ARHGEF1: variants seen among roughly 807,000 people sequenced by gnomAD.
ARHGEF1 encodes 115 kDa guanine nucleotide exchange factor.
A neutral mutation model predicts 119.7 loss-of-function variants in ARHGEF1; 40 were observed. The observed-to-expected ratio is 0.33, with a 90% CI of 0.26 to 0.44. ARHGEF1 has a LOEUF of 0.44. Among genes scored for constraint, ARHGEF1 ranks in the 20% least tolerant of loss-of-function variants. The probability of loss-of-function intolerance (pLI) is 1.00; values close to 1 mark genes in which losing one functional copy is unlikely to be tolerated. For synonymous variants in ARHGEF1, 494 were observed against 521.0 expected, an observed-to-expected ratio of 0.95 and a Z score of 0.71; for missense variants, 976 against 1,268.3, an observed-to-expected ratio of 0.77 and a Z score of 3.50.
Position 41,902,906 on chromosome 19 carries a change from G to A in ARHGEF1, c.1738+8G>A, listed in dbSNP as rs781825901. On this transcript the variant is annotated splice_region_variant and intron_variant, in intron 18 of 28. Transcript: ENST00000354532. This position sits in a 1 kb window ranked among gnomAD's most constrained non-coding sequence, Gnocchi z 6.5. ...GCATCGGGCAGAACACAGGTACCGC[G>A]GGCCTGGATCTCTGGGCCTCGGCTC... 15 of 1,570,032 alleles carry A rather than the reference G, an allele frequency of 9.6e-6. No individual in the cohort carries two copies. Among genetic ancestry groups the A allele is most frequent in the Admixed American group, 4.1e-5 (2 of 48,628 alleles).
chr19:41,887,885 C>T (rs372819155), intron 1 of ARHGEF1, among the ~76,000 whole-genome samples, 179 bp from the exon 2 acceptor site: 3 of 152,354 alleles, frequency 2.0e-5, no homozygotes, highest in South Asian at 2.1e-4. Context: ...CCTGGGCTCC[C>T]GCCCCCTGGC....
At chr19:41,897,614 C>G (rs1448221768) in intron 13 of ARHGEF1, 1 of 300,112 alleles carries the variant, frequency 3.3e-6, no homozygotes, top group Non-Finnish European at 6.2e-6. Context: ...CCCCAAGACC[C>G]CCCACTACCC....
chr19:41,910,961 TACTA>T (rs1421019458), downstream of ARHGEF1, among the ~76,000 whole-genome samples: 49 of 152,148 alleles, frequency 3.2e-4, no homozygotes, highest in African/African-American at 9.6e-4. This position sits in a 1 kb window ranked among gnomAD's most constrained non-coding sequence, Gnocchi z 4.4. Context: ...GACTGGGACT[TACTA>T]ACAACACAAA....
intron 14 of ARHGEF1, 69 bp from the exon 15 acceptor site, chr19:41,901,818 C>T (rs559816373): frequency 7.4e-5 from 115 of 1,554,844 alleles, no homozygotes; most frequent in Non-Finnish European, 9.4e-5. Flanking sequence ...TTCCTCTAGC[C>T]TGCCCATGAG....
chr19:41,920,073 ACT>A (rs1452725343), upstream of ARHGEF1, among the ~76,000 whole-genome samples: 9 of 128,654 alleles, frequency 7.0e-5, no homozygotes, highest in African/African-American at 2.7e-4. Flanking sequence ...GATGTGACAC[ACT>A]CACAGACATG....
rs544550274 is a variant in ARHGEF1 at position 41,902,193 on chromosome 19, C to G, written c.1415-81C>G. On this transcript the variant is annotated intron_variant, in intron 15 of 28. Coordinates refer to ENST00000354532, the MANE Select transcript of ARHGEF1 (RefSeq NM_004706.4). This position sits in a 1 kb window ranked among gnomAD's most constrained non-coding sequence, Gnocchi z 6.5. ...ATCAGACACAGACACACCTGCAGCC[C>G]TACCCCCACCACACCGCAGCAGGCC... 370 of 1,578,020 alleles carry G rather than the reference C, an allele frequency of 2.3e-4. 1 individual carries two copies. Among genetic ancestry groups the G allele is most frequent in the Middle Eastern group, 1.3e-3 (8 of 5,934 alleles).
At chr19:41,928,246 G>C (rs1187464241) in intron 1 of ARHGEF1, 2 of 152,278 alleles carry the variant, frequency 1.3e-5, no homozygotes, top group Non-Finnish European at 2.9e-5. Context: ...ACTCAGAGAC[G>C]GAGAGACAGC....
At position 41,914,589 on chromosome 19, in the gene ARHGEF1, T is replaced by C. The variant is rs1422245859; in HGVS notation, c.1865+7786T>C. Among the ~76,000 whole-genome samples the C allele has an allele frequency of 8.6e-3, 299 of 34,910 alleles. 10 individuals carry two copies. Among genetic ancestry groups the C allele is most frequent in the African/African-American group, 0.021 (143 of 6,880 alleles). 22.9% of individuals were successfully genotyped at this position (34,910 alleles called of 152,430 possible). On this transcript the variant is annotated intron_variant, in intron 18 of 20. Coordinates refer to the ARHGEF1 transcript ENST00000599589. ...TCTCTGTCTCCGTCTCTCCCTCCCTTTCCACCATCTCTGTCTCTCCCTCCC... is the reference window on the plus strand; with the variant it reads ...TCTCTGTCTCCGTCTCTCCCTCCCTCTCCACCATCTCTGTCTCTCCCTCCC...
Position 41,927,980 on chromosome 19 carries a change from T to G in ARHGEF1, c.141-851T>G, listed in dbSNP as rs1165989821. On this transcript the variant is annotated intron_variant, in intron 1 of 2. Transcript: ENST00000594417. ...CGGGACCACCCCCGCGCCCGCCCCC[T>G]CCTGGGGCGGGAATCCCCGCCCCCT... The G allele has an allele frequency of 2.0e-5, 3 of 148,960 alleles. No homozygotes were observed. In the East Asian group the frequency reaches 6.1e-4, roughly 30 times the overall value. 9.2% of individuals were successfully genotyped at this position (148,960 alleles called of 1,614,324 possible).
At chr19:41,918,702 C>G (rs1461871949), upstream of ARHGEF1, among the ~76,000 whole-genome samples, 1 of 149,976 alleles carries the variant, frequency 6.7e-6, no homozygotes, top group Non-Finnish European at 1.5e-5. Flanking sequence ...ATATCCGCCA[C>G]ACACCACACA....
In ARHGEF1 at chr19:41,903,960, C is replaced by T. The variant is rs1224766991; in HGVS notation, c.1918-75C>T. On this transcript the variant is annotated intron_variant, in intron 20 of 28. Coordinates refer to ENST00000354532, the MANE Select transcript of ARHGEF1 (RefSeq NM_004706.4). The surrounding 1 kb of genome is among the most constrained non-coding windows in gnomAD (Gnocchi z 4.2). ...GCCTGTGGTCATCCCCGGCCACTGC[C>T]CTGCCCTTCCCCTCCCCACCAACCC... is the stretch of plus-strand genomic sequence containing the variant. 6 of 1,480,778 alleles carry T rather than the reference C, an allele frequency of 4.1e-6. No individual in the cohort carries two copies. The highest frequency in any genetic ancestry group is 1.7e-5 in the Admixed American group (1 of 58,094). 91.7% of individuals were successfully genotyped at this position (1,480,778 alleles called of 1,614,324 possible). A position where few individuals can be genotyped will look rare whatever the true frequency, so the allele number is the denominator to read the frequency against.
intron 1 of ARHGEF1, among the ~76,000 whole-genome samples, chr19:41,924,591 G>A (rs1193047214): frequency 6.6e-6 from 1 of 152,158 alleles, no homozygotes; most frequent in Admixed American, 6.5e-5. Flanking sequence ...GGAACAGGTG[G>A]GGCACACATT....
chr19:41,929,455 A>G (rs895167598), intron 2 of ARHGEF1, among the ~76,000 whole-genome samples: 4 of 152,110 alleles, frequency 2.6e-5, no homozygotes, highest in Non-Finnish European at 5.9e-5. Context: ...GTCAATATCG[A>G]CCAGCCTCAG....
At chr19:41,884,634 T>G in intron 1 of ARHGEF1, 1 of 1,191,018 alleles carries the variant, frequency 8.4e-7, no homozygotes, top group South Asian at 1.4e-5. Flanking sequence ...GATTTGGGTC[T>G]CGTGTAGACC....
chr19:41,917,010 G>A lies in ARHGEF1; in HGVS notation c.1866-6082G>A, dbSNP rs2074805530. Among the ~76,000 whole-genome samples, 1 of 132,592 alleles carries A rather than the reference G, an allele frequency of 7.5e-6. No individual in the cohort carries two copies. The highest frequency in any genetic ancestry group is 6.8e-5 in the Admixed American group (1 of 14,710). The allele number at this position is 132,592 out of a possible 152,430, so 87.0% of individuals were successfully genotyped here. A position where few individuals can be genotyped will look rare whatever the true frequency, so the allele number is the denominator to read the frequency against. On this transcript the variant is annotated intron_variant, in intron 18 of 20. Coordinates refer to the ARHGEF1 transcript ENST00000599589. This position sits in a 1 kb window ranked among gnomAD's most constrained non-coding sequence, Gnocchi z 4.8. Reference sequence around the variant, plus strand: ...ACTTCCCAAGCATGTCTCTGCATGGGTGTGTGTGTGTGTGTGCACATATGT... The same window carrying A: ...ACTTCCCAAGCATGTCTCTGCATGGATGTGTGTGTGTGTGTGCACATATGT...
intron 13 of ARHGEF1, chr19:41,897,907 C>T (rs754839931): frequency 1.1e-4 from 147 of 1,285,430 alleles, no homozygotes; most frequent in Non-Finnish European, 1.3e-4. Flanking sequence ...TCTCTGTCCC[C>T]GGCATCTGCC....
upstream of ARHGEF1, among the ~76,000 whole-genome samples, chr19:41,921,732 G>A (rs1386942729): frequency 6.6e-6 from 1 of 152,082 alleles, no homozygotes; most frequent in African/African-American, 2.4e-5. The surrounding 1 kb of genome is among the most constrained non-coding windows in gnomAD (Gnocchi z 4.4). Flanking sequence ...CCTGGAGGTG[G>A]AGTGGAAGGC....
chr19:41,921,500 C>T (rs1279875832), upstream of ARHGEF1, among the ~76,000 whole-genome samples: 1 of 148,490 alleles, frequency 6.7e-6, no homozygotes, highest in East Asian at 1.9e-4. The surrounding 1 kb of genome is among the most constrained non-coding windows in gnomAD (Gnocchi z 4.4). Flanking sequence ...AAGAGAGAGA[C>T]AGAGACAGAG....
intron 1 of ARHGEF1, among the ~76,000 whole-genome samples, chr19:41,887,829 C>G (rs2074316564): frequency 6.6e-6 from 1 of 152,200 alleles, no homozygotes; most frequent in Non-Finnish European, 1.5e-5. Context: ...TTCCCATGGA[C>G]CCAGGCTCCT....
Sources: gnomAD v4.1 joint callset for allele counts (sites outside exome capture counted in the v4.1 genomes callset) on GRCh38, gnomAD v4.1.1 for gene constraint, Gnocchi (gnomAD v3.1) non-coding constraint, MANE v1.5 for transcripts, NCBI Gene and HGNC (gene_info 2026-07-23, HGNC 2026-07-21) for gene names.